MAJIN: variants seen among roughly 807,000 people sequenced by gnomAD.
MAJIN encodes membrane anchored junction protein.
A neutral mutation model predicts 30.2 loss-of-function variants in MAJIN; 27 were observed. The ratio of observed to expected loss-of-function variants is 0.89; its 90% CI spans 0.66 to 1.23. The LOEUF is 1.23. Ranked by LOEUF, MAJIN falls within the 50% of genes most tolerant of loss-of-function variation. The pLI is 0.00. For synonymous variants in MAJIN, 78 were observed against 91.6 expected (o/e 0.85, Z 0.85); for missense variants, 253 against 260.3 (o/e 0.97, Z 0.19).
chr11:64,967,318 A>G (rs1474521631), intron 1 of MAJIN, among the ~76,000 whole-genome samples: 1 of 152,086 alleles, frequency 6.6e-6, no homozygotes, highest in Admixed American at 6.6e-5. Flanking sequence ...AGGCAGGAGA[A>G]TCACTTGAAC....
intron 1 of MAJIN, among the ~76,000 whole-genome samples, chr11:64,968,398 G>A (rs1374529427): frequency 6.6e-6 from 1 of 151,978 alleles, no homozygotes; most frequent in Non-Finnish European, 1.5e-5. Flanking sequence ...AGCCTCCCAA[G>A]TAGCTGGGAC....
chr11:64,950,234 G>A, intron 5 of MAJIN, 121 bp downstream of exon 5: 1 of 845,028 alleles, frequency 1.2e-6, no homozygotes. Flanking sequence ...AGAGGCTGAG[G>A]CAAGAGAATC....
intron 2 of MAJIN, 126 bp from the exon 3 acceptor site, chr11:64,959,548 A>C: frequency 1.5e-6 from 1 of 652,274 alleles, no homozygotes; most frequent in Non-Finnish European, 2.6e-6. Flanking sequence ...ACTACTGCCT[A>C]CGTACCAGGA....
At chr11:64,963,787 C>T (rs923501625) in intron 1 of MAJIN, among the ~76,000 whole-genome samples, 21 of 152,118 alleles carry the variant, frequency 1.4e-4, no homozygotes, top group African/African-American at 4.8e-4. Context: ...TGCGATGAAC[C>T]AAGATTGCGC....
At chr11:64,964,446 T>C (rs1301007120) in intron 1 of MAJIN, among the ~76,000 whole-genome samples, 1 of 152,158 alleles carries the variant, frequency 6.6e-6, no homozygotes, top group Non-Finnish European at 1.5e-5. Context: ...GATTAGCCCC[T>C]CAAGATTGTT....
At chr11:64,962,343 A>G (rs1945740702) in intron 1 of MAJIN, among the ~76,000 whole-genome samples, 1 of 152,236 alleles carries the variant, frequency 6.6e-6, no homozygotes, top group Admixed American at 6.5e-5. Context: ...GAAAATAAAG[A>G]TTAGACAGTG....
In MAJIN at chr11:64,958,394, T is replaced by A. The variant is rs377328676; in HGVS notation, c.101+911A>T. The stretch of plus-strand genomic sequence containing the variant: ...ACTTTGGAAAGCTAAAGAGGGAGGA[T>A]CCCTTGGGCCCAGGAGTTTGAGACC... On this transcript the variant is annotated intron_variant, in intron 3 of 10. Transcript: ENST00000301896. Among the ~76,000 whole-genome samples the A allele has an allele frequency of 2.0e-5, 3 of 151,708 alleles. No homozygotes were observed. In the East Asian group the frequency reaches 5.8e-4, roughly 29 times the overall value.
Position 64,957,587 on chromosome 11 carries a change from A to G in MAJIN, c.101+1718T>C, listed in dbSNP as rs570346752. On this transcript the variant is annotated intron_variant, in intron 3 of 10. Transcript: ENST00000301896. ...CTCAGCTAATTTTTTTATTTTTAGTAGAGACAGGGTTTCACCATGTTGACC... is the reference window on the plus strand; with the variant it reads ...CTCAGCTAATTTTTTTATTTTTAGTGGAGACAGGGTTTCACCATGTTGACC... Among the ~76,000 whole-genome samples, 5 of 151,876 alleles carry G rather than the reference A, an allele frequency of 3.3e-5. No homozygotes were observed. In the East Asian group the frequency reaches 9.7e-4, roughly 29 times the overall value.
At chr11:64,966,145 GAAAAA>G (rs58387921) in intron 1 of MAJIN, among the ~76,000 whole-genome samples, 3 of 57,100 alleles carry the variant, frequency 5.3e-5, no homozygotes, top group South Asian at 8.7e-4. Flanking sequence ...GATTAAAAAT[GAAAAA>G]AAAAAAAAAA....
intron 1 of MAJIN, among the ~76,000 whole-genome samples, chr11:64,961,458 T>C (rs1396425032): frequency 1.2e-3 from 158 of 126,554 alleles, no homozygotes; most frequent in East Asian, 3.9e-3. Context: ...TGACCCACTG[T>C]GCCCGGCAAT....
At chr11:64,949,718 T>C (rs772161531) in intron 6 of MAJIN, 25 bp downstream of exon 6, 2 of 1,610,588 alleles carry the variant, frequency 1.2e-6, no homozygotes, top group Non-Finnish European at 1.7e-6. Flanking sequence ...TTCTCTGCCA[T>C]CCACATTCAC....
chr11:64,972,016 C>A lies in MAJIN; in HGVS notation c.-204G>T, dbSNP rs902864774. The A allele has an allele frequency of 6.6e-5, 10 of 152,226 alleles. No homozygotes were observed. The highest frequency in any genetic ancestry group is 2.4e-4 in the African/African-American group (10 of 41,446). 9.4% of individuals were successfully genotyped at this position (152,226 alleles called of 1,614,324 possible). ...GAAAAAGGCGGGCGCCAACCTCGAA[C>A]GAAGTCGTTTTGAGGGACTGGCTCG... On this transcript the variant is annotated 5_prime_UTR_variant, in exon 1 of 11. Transcript: ENST00000301896.
chr11:64,970,053 G>A (rs972370241), intron 1 of MAJIN, among the ~76,000 whole-genome samples: 1 of 151,988 alleles, frequency 6.6e-6, no homozygotes, highest in African/African-American at 2.4e-5. Context: ...CATACATGAA[G>A]GAACTAGAGT....
chr11:64,964,171 G>A (rs1305790182), intron 1 of MAJIN, among the ~76,000 whole-genome samples: 3 of 151,928 alleles, frequency 2.0e-5, no homozygotes, highest in Non-Finnish European at 2.9e-5. Flanking sequence ...CTTGAACTCC[G>A]GACCTCAGGT....
intron 3 of MAJIN, among the ~76,000 whole-genome samples, chr11:64,957,057 G>A (rs1158423922): frequency 2.6e-5 from 4 of 151,158 alleles, no homozygotes; most frequent in Non-Finnish European, 4.4e-5. Flanking sequence ...GTGAGCCACC[G>A]CGCCTGGCCT....
intron 3 of MAJIN, among the ~76,000 whole-genome samples, chr11:64,957,733 GT>G (rs1358348987): frequency 6.6e-6 from 1 of 151,906 alleles, no homozygotes; most frequent in African/African-American, 2.4e-5. Context: ...GAGATGCTGG[GT>G]TTGATCAAAT....
At chr11:64,944,294 C>T (rs1288951210) in intron 8 of MAJIN, among the ~76,000 whole-genome samples, 1 of 152,228 alleles carries the variant, frequency 6.6e-6, no homozygotes, top group Admixed American at 6.5e-5. Context: ...CTTTAAGCTA[C>T]TCTGAGAATC....
intron 1 of MAJIN, among the ~76,000 whole-genome samples, chr11:64,965,975 T>C (rs1945801288): frequency 6.9e-6 from 1 of 145,482 alleles, no homozygotes; most frequent in African/African-American, 2.6e-5. Flanking sequence ...AAAAAAAGAA[T>C]TCACATCATG....
intron 8 of MAJIN, among the ~76,000 whole-genome samples, chr11:64,942,438 C>A (rs1329028265): frequency 6.6e-6 from 1 of 151,962 alleles, no homozygotes; most frequent in Non-Finnish European, 1.5e-5. Context: ...CCCTTCCCAC[C>A]CTTTCCCCCA....
Sources: gnomAD v4.1 joint callset for allele counts (sites outside exome capture counted in the v4.1 genomes callset) on GRCh38, gnomAD v4.1.1 for gene constraint, MANE v1.5 for transcripts, NCBI Gene and HGNC (gene_info 2026-07-23, HGNC 2026-07-21) for gene names.